The following LRMDA variants were observed in gnomAD, a reference collection of about 807,000 sequenced individuals.
LRMDA encodes the protein leucine-rich melanocyte differentiation-associated protein.
In LRMDA, 18 loss-of-function variants were observed where a neutral mutation model predicts 29.8. That is an observed-to-expected ratio of 0.60 (90% CI 0.42 to 0.90). The LOEUF (loss-of-function observed/expected upper bound fraction) is 0.90, where lower values mean the gene tolerates loss of function less well. LRMDA is among the 40% of genes least tolerant of loss of function. The pLI, the probability that LRMDA is intolerant of heterozygous loss-of-function variation, is 0.00. For missense variants in LRMDA, 273 were observed against 273.9 expected (o/e 1.00, Z 0.02); for synonymous variants, 125 against 109.4 (o/e 1.14, Z -0.89).
chr10:75,604,298 A>G (rs943319976), intron 2 of LRMDA, among the ~76,000 whole-genome samples: 3 of 152,216 alleles, frequency 2.0e-5, no homozygotes, highest in African/African-American at 7.2e-5. Flanking sequence ...GTTACAGTAG[A>G]AATGCTGAGT....
chr10:75,628,185 C>G (rs1841276991), intron 2 of LRMDA, among the ~76,000 whole-genome samples: 1 of 152,142 alleles, frequency 6.6e-6, no homozygotes, highest in Admixed American at 6.5e-5. Flanking sequence ...CTGTGTATTT[C>G]CCTACACCTA....
chr10:75,909,914 G>T (rs1430828236), intron 2 of LRMDA, among the ~76,000 whole-genome samples: 1 of 152,208 alleles, frequency 6.6e-6, no homozygotes, highest in African/African-American at 2.4e-5. Context: ...ACTTCAATGT[G>T]TAGGGAATGA....
At chr10:75,962,636 C>T (rs887253801) in intron 2 of LRMDA, among the ~76,000 whole-genome samples, 2 of 152,164 alleles carry the variant, frequency 1.3e-5, no homozygotes, top group Non-Finnish European at 2.9e-5. Flanking sequence ...ATTTTTTAAA[C>T]GTAAATGATA....
At chr10:75,965,589 TGAAAA>T (rs1846844898) in intron 2 of LRMDA, among the ~76,000 whole-genome samples, 1 of 152,064 alleles carries the variant, frequency 6.6e-6, no homozygotes. Flanking sequence ...AAGGCCACTG[TGAAAA>T]GAAAAAAAAA....
At chr10:76,427,488 T>C (rs1043971727) in intron 6 of LRMDA, among the ~76,000 whole-genome samples, 3 of 152,242 alleles carry the variant, frequency 2.0e-5, no homozygotes, top group Non-Finnish European at 4.4e-5. Flanking sequence ...GCTTATCAGC[T>C]TAATGAGATT....
intron 2 of LRMDA, among the ~76,000 whole-genome samples, chr10:75,761,908 C>T (rs1843102470): frequency 1.3e-5 from 2 of 151,550 alleles, no homozygotes; most frequent in Admixed American, 1.3e-4. Context: ...TCAAGTGATC[C>T]CCCCACCTCA....
At chr10:75,579,400 T>A (rs1840557101) in intron 2 of LRMDA, among the ~76,000 whole-genome samples, 1 of 152,136 alleles carries the variant, frequency 6.6e-6, no homozygotes, top group Admixed American at 6.5e-5. Flanking sequence ...AATAGACCAA[T>A]AACAAGTTCT....
chr10:76,006,139 T>G (rs1336361480), intron 2 of LRMDA, among the ~76,000 whole-genome samples: 1 of 152,116 alleles, frequency 6.6e-6, no homozygotes, highest in Non-Finnish European at 1.5e-5. Flanking sequence ...AGACCCTGTC[T>G]TCAGAGTCTG....
At chr10:76,089,931 C>T in intron 5 of LRMDA, among the ~76,000 whole-genome samples, 1 of 152,150 alleles carries the variant, frequency 6.6e-6, no homozygotes, top group Admixed American at 6.5e-5. Flanking sequence ...GTAACGTGAG[C>T]CAACGCCCAC....
intron 6 of LRMDA, among the ~76,000 whole-genome samples, chr10:76,351,587 A>G (rs985727073): frequency 2.0e-5 from 3 of 152,176 alleles, no homozygotes; most frequent in Admixed American, 6.5e-5. Context: ...AGATTTGCTC[A>G]GTAATGAACA....
chr10:75,835,798 T>C (rs1233335931), intron 2 of LRMDA, among the ~76,000 whole-genome samples: 1 of 152,226 alleles, frequency 6.6e-6, no homozygotes, highest in African/African-American at 2.4e-5. Flanking sequence ...TGGGCTTTCA[T>C]TGCAATGAGG....
At chr10:75,901,014 C>T (rs984413624) in intron 2 of LRMDA, among the ~76,000 whole-genome samples, 1 of 152,096 alleles carries the variant, frequency 6.6e-6, no homozygotes, top group Non-Finnish European at 1.5e-5. Flanking sequence ...TACGTAGAGC[C>T]AGCTTAGGTA....
intron 2 of LRMDA, among the ~76,000 whole-genome samples, chr10:75,969,045 A>G (rs1281254781): frequency 1.3e-5 from 2 of 152,208 alleles, no homozygotes; most frequent in Non-Finnish European, 2.9e-5. Context: ...TTAAAGACCA[A>G]TGGCTTTCCT....
intron 6 of LRMDA, among the ~76,000 whole-genome samples, chr10:76,344,981 C>CA: frequency 7.2e-6 from 1 of 138,068 alleles, no homozygotes; most frequent in East Asian, 2.1e-4. Flanking sequence ...ATATAAAAAG[C>CA]AAAAATGGAC....
chr10:76,475,163 C>T (rs1589205077), intron 6 of LRMDA, among the ~76,000 whole-genome samples: 1 of 151,636 alleles, frequency 6.6e-6, no homozygotes, highest in East Asian at 1.9e-4. Context: ...ATAGTGGTTG[C>T]TTAGGGATGA....
intron 2 of LRMDA, among the ~76,000 whole-genome samples, chr10:75,978,043 G>T (rs1847104944): frequency 6.6e-6 from 1 of 152,154 alleles, no homozygotes; most frequent in Admixed American, 6.5e-5. Flanking sequence ...ATTGTCCCAG[G>T]GCTATTCAGT....
At chr10:75,573,185 T>G (rs1840458333) in intron 2 of LRMDA, among the ~76,000 whole-genome samples, 1 of 152,254 alleles carries the variant, frequency 6.6e-6, no homozygotes, top group Admixed American at 6.5e-5. Context: ...TTGAGGATAA[T>G]CTTTTCTATT....
chr10:75,713,491 A>T (rs1006718728), intron 2 of LRMDA, among the ~76,000 whole-genome samples: 1 of 151,824 alleles, frequency 6.6e-6, no homozygotes, highest in Non-Finnish European at 1.5e-5. Flanking sequence ...TCCTGAGACC[A>T]GTTGATTCAA....
intron 5 of LRMDA, among the ~76,000 whole-genome samples, chr10:76,268,694 A>T (rs1029413241): frequency 1.3e-5 from 2 of 152,214 alleles, no homozygotes; most frequent in African/African-American, 2.4e-5. Flanking sequence ...GCTCCTGAGC[A>T]TTCTGCTTAC....
Sources: gnomAD v4.1 joint callset for allele counts (sites outside exome capture counted in the v4.1 genomes callset) on GRCh38, gnomAD v4.1.1 for gene constraint, MANE v1.5 for transcripts, NCBI Gene and HGNC (gene_info 2026-07-23, HGNC 2026-07-21) for gene names.